Variants in OR8G5 observed in about 807,000 individuals in gnomAD.
OR8G5 encodes olfactory receptor 8G5.
For missense variants in OR8G5, 347 were observed against 371.9 expected, an observed-to-expected ratio of 0.93 and a Z score of 0.55; for synonymous variants, 147 against 147.7, an observed-to-expected ratio of 1.00 and a Z score of 0.03.
chr11:124,258,525 T>G (rs1861933801), intron 1 of OR8G5, among the ~76,000 whole-genome samples: 1 of 151,854 alleles, frequency 6.6e-6, no homozygotes, highest in Non-Finnish European at 1.5e-5. Context: ...ACCACTGCAC[T>G]CCAACTTGGG....
At chr11:124,264,472 A>G (rs1194305450) in intron 1 of OR8G5, among the ~76,000 whole-genome samples, 1 of 152,220 alleles carries the variant, frequency 6.6e-6, no homozygotes, top group East Asian at 1.9e-4. Flanking sequence ...TGATAATTAC[A>G]TAAAACATTG....
intron 1 of OR8G5, among the ~76,000 whole-genome samples, chr11:124,260,027 T>A (rs1229965961): frequency 2.0e-5 from 3 of 152,042 alleles, no homozygotes; most frequent in African/African-American, 7.2e-5. Context: ...GTTTTTAGAG[T>A]ACAATAATTG....
chr11:124,260,716 A>G (rs751584440), intron 1 of OR8G5, among the ~76,000 whole-genome samples: 4 of 151,810 alleles, frequency 2.6e-5, no homozygotes, highest in Non-Finnish European at 5.9e-5. Flanking sequence ...ATAATTGTAC[A>G]TATTTGTGAG....
intron 1 of OR8G5, among the ~76,000 whole-genome samples, chr11:124,259,751 T>C (rs1406516153): frequency 6.6e-6 from 1 of 152,130 alleles, no homozygotes; most frequent in Admixed American, 6.6e-5. Context: ...TCAAATATTT[T>C]CTTCTACATC....
intron 1 of OR8G5, among the ~76,000 whole-genome samples, chr11:124,257,084 T>G (rs1037166344): frequency 2.6e-5 from 4 of 152,144 alleles, no homozygotes; most frequent in African/African-American, 4.8e-5. Context: ...TGTGACAAAT[T>G]CCAGGAACTG....
intron 1 of OR8G5, 63 bp from the exon 2 acceptor site, chr11:124,264,855 T>G (rs201865228): frequency 1.3e-6 from 2 of 1,594,486 alleles, no homozygotes; most frequent in South Asian, 2.2e-5. Context: ...GGGATCACTT[T>G]CCTACAAAAG....
At chr11:124,262,339 GTTAA>G (rs1173432990) in intron 1 of OR8G5, among the ~76,000 whole-genome samples, 1 of 151,448 alleles carries the variant, frequency 6.6e-6, no homozygotes, top group Non-Finnish European at 1.5e-5. Flanking sequence ...TTTTTTAAAT[GTTAA>G]TTATTATGAA....
chr11:124,258,143 C>T (rs1323274219), intron 1 of OR8G5, among the ~76,000 whole-genome samples: 1 of 152,194 alleles, frequency 6.6e-6, no homozygotes, highest in African/African-American at 2.4e-5. Flanking sequence ...AACACCTCTT[C>T]TCTTTTGTTT....
At chr11:124,262,822 A>G (rs75810151) in intron 1 of OR8G5, among the ~76,000 whole-genome samples, 1,588 of 152,086 alleles carry the variant, frequency 0.01, 17 homozygotes, top group African/African-American at 0.036. Flanking sequence ...AAATGTTTAC[A>G]TTTTTCTTGG....
chr11:124,266,092 G>A lies in OR8G5; in HGVS notation c.*225G>A. On this transcript the variant is annotated 3_prime_UTR_variant, in exon 2 of 2. Coordinates refer to ENST00000641992, the MANE Select transcript of OR8G5 (RefSeq NM_001005198.2). ...GATATTTTCTTAGAAGAAATAATAA[G>A]ATTGACATAGTGAAATAGTGGCATA... is the stretch of plus-strand genomic sequence containing the variant. 1 of 553,122 alleles carries A rather than the reference G, an allele frequency of 1.8e-6. No homozygotes were observed. The highest frequency in any genetic ancestry group is 1.9e-5 in the African/African-American group (1 of 52,780). 34.3% of individuals were successfully genotyped at this position (553,122 alleles called of 1,614,324 possible).
rs1591397274 is a variant in OR8G5, at chr11:124,266,139, T to C, written c.*272T>C. On this transcript the variant is annotated 3_prime_UTR_variant, in exon 2 of 2. Coordinates refer to ENST00000641992, the MANE Select transcript of OR8G5 (RefSeq NM_001005198.2). ...CATAACCTGATAATGCCAGTTACAT[T>C]CCCTTCCCCCTTTTCTTTCATGTAA... The C allele has an allele frequency of 2.9e-6, 1 of 341,292 alleles. No individual in the cohort carries two copies. The highest frequency in any genetic ancestry group is 5.8e-5 in the East Asian group (1 of 17,178). 21.1% of individuals were successfully genotyped at this position (341,292 alleles called of 1,614,324 possible). A position where few individuals can be genotyped will look rare whatever the true frequency, so the allele number is the denominator to read the frequency against.
chr11:124,257,554 G>C (rs934607051), intron 1 of OR8G5, among the ~76,000 whole-genome samples: 1 of 152,048 alleles, frequency 6.6e-6, no homozygotes, highest in African/African-American at 2.4e-5. Context: ...AAGGTGAGGG[G>C]TGGAAATGCA....
intron 1 of OR8G5, among the ~76,000 whole-genome samples, chr11:124,257,592 G>C (rs1368629037): frequency 6.6e-6 from 1 of 152,174 alleles, no homozygotes; most frequent in African/African-American, 2.4e-5. Flanking sequence ...TTATTATGCA[G>C]ATAAAGTCCC....
chr11:124,256,455 C>T lies in OR8G5; in HGVS notation c.-194C>T, dbSNP rs2512194. 0.49 allele frequency: 74,300 copies of T among 152,008 alleles called. 18,800 individuals are homozygous for T. The highest frequency in any genetic ancestry group is 0.59 in the East Asian group (3,012 of 5,148). 9.4% of individuals were successfully genotyped at this position (152,008 alleles called of 1,614,324 possible). On this transcript the variant is annotated 5_prime_UTR_variant, in exon 1 of 2. Coordinates refer to ENST00000641992, the MANE Select transcript of OR8G5 (RefSeq NM_001005198.2). ...AGTGACAACTGGAGATGCTGATCAG[C>T]GGTGCAGATTGATTTCAAAAGTGAG...
chr11:124,258,658 C>T, intron 1 of OR8G5, among the ~76,000 whole-genome samples: 1 of 151,894 alleles, frequency 6.6e-6, no homozygotes, highest in Admixed American at 6.6e-5. Context: ...TAGTACTTGC[C>T]AACCTCATAG....
chr11:124,261,401 G>T (rs1402559885), intron 1 of OR8G5, among the ~76,000 whole-genome samples: 1 of 151,896 alleles, frequency 6.6e-6, no homozygotes, highest in Non-Finnish European at 1.5e-5. Flanking sequence ...AAAATAGTAT[G>T]CTGTGCAAAC....
Position 124,256,508 on chromosome 11 carries a change from G to A in OR8G5, c.-141G>A, listed in dbSNP as rs1861914802. The A allele has an allele frequency of 6.6e-6, 1 of 152,168 alleles. No homozygotes were observed. The highest frequency in any genetic ancestry group is 1.5e-5 in the Non-Finnish European group (1 of 68,044). The allele number at this position is 152,168 out of a possible 1,614,324, so 9.4% of individuals were successfully genotyped here. A position where few individuals can be genotyped will look rare whatever the true frequency, so the allele number is the denominator to read the frequency against. ...AGATGTCTTGTGCTTTGCAGTCTCA[G>A]GACTAAAGACTACAGAACGCTGGCT... On this transcript the variant is annotated 5_prime_UTR_variant, in exon 1 of 2. Coordinates refer to ENST00000641992, the MANE Select transcript of OR8G5 (RefSeq NM_001005198.2).
At position 124,265,627 on chromosome 11, in the gene OR8G5, G is replaced by A. The variant is rs1286644267; in HGVS notation, c.696G>A (p.Glu232=). 2.5e-6 allele frequency: 4 copies of A among 1,613,876 alleles called. No homozygotes were observed. The highest frequency in any genetic ancestry group is 3.4e-6 in the Non-Finnish European group (4 of 1,179,890). ...GCATCCTCCGCATTCGCTACACTGA[G>A]GGCAGGTCCAAAGCCTTCAGCACTT... ...IASILRIRYT[E]GRSKAFSTCS... Residue 232 remains glutamate (E), a synonymous_variant, in exon 2 of 2, where the codon GAG becomes GAA. Transcript: ENST00000641992.
At chr11:124,258,546 G>A (rs1388317338) in intron 1 of OR8G5, among the ~76,000 whole-genome samples, 2 of 151,740 alleles carry the variant, frequency 1.3e-5, no homozygotes, top group African/African-American at 4.8e-5. Flanking sequence ...CAACAAGAGC[G>A]AGCGAGACTC....
Sources: gnomAD v4.1 joint callset for allele counts (sites outside exome capture counted in the v4.1 genomes callset) on GRCh38, gnomAD v4.1.1 for gene constraint, MANE v1.5 for transcripts, NCBI Gene and HGNC (gene_info 2026-07-23, HGNC 2026-07-21) for gene names.